CDH4: variants seen among roughly 807,000 people sequenced by gnomAD.
CDH4 encodes the protein cadherin 4, also known as cadherin-4.
Under a neutral mutation model 86.0 loss-of-function variants are expected in CDH4, and 33 were observed. That is an observed-to-expected ratio of 0.38 (90% CI 0.29 to 0.51). The LOEUF (loss-of-function observed/expected upper bound fraction) is 0.51, where lower values mean the gene tolerates loss of function less well. Ranked by LOEUF, CDH4 falls within the 20% of genes least tolerant of loss-of-function variation. The pLI, the probability that CDH4 is intolerant of heterozygous loss-of-function variation, is 0.86. For synonymous variants in CDH4, 555 were observed against 549.4 expected, an observed-to-expected ratio of 1.01 and a Z score of -0.14; for missense variants, 1,114 against 1,307.4, an observed-to-expected ratio of 0.85 and a Z score of 2.28.
intron 2 of CDH4, among the ~76,000 whole-genome samples, chr20:61,428,003 G>C (rs1307604033): frequency 6.6e-6 from 1 of 152,166 alleles, no homozygotes; most frequent in Non-Finnish European, 1.5e-5. Flanking sequence ...GAGAACTACT[G>C]AGGAGTGAAT....
chr20:61,787,810 T>C (rs959891218), intron 4 of CDH4, among the ~76,000 whole-genome samples: 2 of 152,146 alleles, frequency 1.3e-5, no homozygotes, highest in Non-Finnish European at 2.9e-5. Flanking sequence ...ATCGAGGGGA[T>C]GAGTGCTCCA....
At position 61,306,015 on chromosome 20, in the gene CDH4, C is replaced by A. The variant is rs148548471; in HGVS notation, c.169+51078C>A. On this transcript the variant is annotated intron_variant, in intron 2 of 15. Transcript: ENST00000614565. ...TCTAGGCCTTTTGATATTCTTATGG[C>A]ACAGCCAGGCCCTCAAGTACAGTTC... Among the ~76,000 whole-genome samples, 1,353 of 152,276 alleles carry A rather than the reference C, an allele frequency of 8.9e-3. 21 individuals carry two copies. Among genetic ancestry groups the A allele is most frequent in the African/African-American group, 0.03 (1,267 of 41,554 alleles).
intron 2 of CDH4, among the ~76,000 whole-genome samples, chr20:61,358,054 C>T (rs192472857): frequency 6.6e-6 from 1 of 152,178 alleles, no homozygotes; most frequent in Admixed American, 6.5e-5. Flanking sequence ...TAGTGCGCTC[C>T]TTCCCTGTCG....
intron 2 of CDH4, among the ~76,000 whole-genome samples, chr20:61,262,747 C>T (rs1156875555): frequency 6.6e-6 from 1 of 151,718 alleles, no homozygotes; most frequent in Non-Finnish European, 1.5e-5. Flanking sequence ...TTCCTCCTTA[C>T]CTCCTTACCT....
At chr20:61,571,968 AG>A (rs2086345322) in intron 2 of CDH4, among the ~76,000 whole-genome samples, 1 of 152,142 alleles carries the variant, frequency 6.6e-6, no homozygotes, top group Admixed American at 6.6e-5. Flanking sequence ...TCAGTTCCCC[AG>A]GGTCTCACAG....
intron 2 of CDH4, among the ~76,000 whole-genome samples, chr20:61,693,613 C>T (rs565132332): frequency 1.3e-5 from 2 of 152,324 alleles, no homozygotes; most frequent in South Asian, 2.1e-4. Context: ...GAGCGTGGAT[C>T]ACTCTCTAGA....
At chr20:61,599,009 C>T (rs1264239681) in intron 2 of CDH4, among the ~76,000 whole-genome samples, 6 of 152,246 alleles carry the variant, frequency 3.9e-5, no homozygotes, top group African/African-American at 1.2e-4. Flanking sequence ...GCCTCAGGTT[C>T]TGTCAGTGTT....
chr20:61,668,270 G>A (rs2087349268), intron 2 of CDH4, among the ~76,000 whole-genome samples: 1 of 152,180 alleles, frequency 6.6e-6, no homozygotes, highest in African/African-American at 2.4e-5. Flanking sequence ...TGTGCATGTG[G>A]GTGGATGTTT....
chr20:61,763,112 G>A (rs528836007), intron 3 of CDH4, among the ~76,000 whole-genome samples: 2 of 152,206 alleles, frequency 1.3e-5, no homozygotes, highest in South Asian at 4.1e-4. Flanking sequence ...TGCCACCACC[G>A]CCATCTGTGA....
chr20:61,564,655 C>T (rs1460918630), intron 2 of CDH4, among the ~76,000 whole-genome samples: 1 of 152,190 alleles, frequency 6.6e-6, no homozygotes, highest in Non-Finnish European at 1.5e-5. Context: ...CAAAATAAAA[C>T]CTCTTTCTTT....
intron 2 of CDH4, among the ~76,000 whole-genome samples, chr20:61,362,634 G>A (rs1049124995): frequency 1.3e-5 from 2 of 152,110 alleles, no homozygotes; most frequent in African/African-American, 2.4e-5. Context: ...GAGATTCAGC[G>A]GGTCAGGATG....
At chr20:61,677,888 T>C (rs1316761945) in intron 2 of CDH4, among the ~76,000 whole-genome samples, 1 of 147,920 alleles carries the variant, frequency 6.8e-6, no homozygotes, top group South Asian at 2.2e-4. Context: ...AGATGATGGA[T>C]GATGGATGAT....
At chr20:61,522,084 G>A (rs1419016285) in intron 2 of CDH4, among the ~76,000 whole-genome samples, 1 of 152,228 alleles carries the variant, frequency 6.6e-6, no homozygotes, top group East Asian at 1.9e-4. Context: ...GAGATTCGCA[G>A]GCCTTCTCCT....
chr20:61,598,394 C>T (rs2086572619), intron 2 of CDH4, among the ~76,000 whole-genome samples: 1 of 151,646 alleles, frequency 6.6e-6, no homozygotes, highest in Non-Finnish European at 1.5e-5. Flanking sequence ...ATGCACCCCC[C>T]AAAACCCCCA....
chr20:61,771,782 T>C (rs1179266085), intron 3 of CDH4, among the ~76,000 whole-genome samples: 2 of 152,232 alleles, frequency 1.3e-5, no homozygotes, highest in African/African-American at 4.8e-5. Context: ...GAACACAGTG[T>C]AATGCGTTTA....
At chr20:61,307,288 A>G (rs768777145) in intron 2 of CDH4, among the ~76,000 whole-genome samples, 4 of 149,930 alleles carry the variant, frequency 2.7e-5, no homozygotes, top group Non-Finnish European at 4.4e-5. Flanking sequence ...TCCAACACAC[A>G]TTGCATGTAT....
chr20:61,275,602 G>A (rs1193495131), intron 2 of CDH4, among the ~76,000 whole-genome samples: 1 of 136,918 alleles, frequency 7.3e-6, no homozygotes, highest in Non-Finnish European at 1.5e-5. Context: ...GCGCAGTTTG[G>A]GAGAGTACCA....
chr20:61,363,499 C>T lies in CDH4; in HGVS notation c.169+108562C>T, dbSNP rs574553007. Among the ~76,000 whole-genome samples the T allele has an allele frequency of 7.9e-5, 12 of 151,158 alleles. 1 individual carries two copies. The South Asian group carries it at 2.3e-3, about 30-fold the overall frequency. ...TATAAAGAAGTCCTACACACACACA[C>T]CTATGACAAATGTTATAAAGAAGTC... On this transcript the variant is annotated intron_variant, in intron 2 of 15. Coordinates refer to ENST00000614565, the MANE Select transcript of CDH4 (RefSeq NM_001794.5).
chr20:61,704,369 G>A (rs984507883), intron 2 of CDH4, among the ~76,000 whole-genome samples: 17 of 152,308 alleles, frequency 1.1e-4, no homozygotes, highest in African/African-American at 4.1e-4. Flanking sequence ...GGTCACTCGG[G>A]AGGAAGGAGG....
Sources: allele counts gnomAD v4.1 joint callset (sites outside exome capture counted in the v4.1 genomes callset), GRCh38; gene constraint gnomAD v4.1.1; transcripts MANE v1.5; gene names NCBI Gene and HGNC (gene_info 2026-07-23, HGNC 2026-07-21).